HAPLN1: variants seen among roughly 807,000 people sequenced by gnomAD.
HAPLN1 encodes the protein Cartilage link protein.
HAPLN1 carries 13 observed loss-of-function variants against 36.5 expected under a neutral mutation model. That is an observed-to-expected ratio of 0.36 (90% CI 0.23 to 0.57). The LOEUF is 0.57. Ranked by LOEUF, HAPLN1 falls within the 20% of genes least tolerant of loss-of-function variation. The pLI is 0.83. For missense variants in HAPLN1, 407 were observed against 439.7 expected (o/e 0.93, Z 0.66); for synonymous variants, 202 against 169.8 (o/e 1.19, Z -1.48).
rs150366266 is a variant in HAPLN1 at position 83,663,977 on chromosome 5, T to C, written c.100+9447A>G. ...TCACATGGTCTTTTATAAATGTAAA[T>C]CACATTATGTCACCCTTTGCTCAAA... On this transcript the variant is annotated intron_variant, in intron 2 of 4. Coordinates refer to ENST00000274341, the MANE Select transcript of HAPLN1 (RefSeq NM_001884.4). Among the ~76,000 whole-genome samples, 14 of 152,198 alleles carry C rather than the reference T, an allele frequency of 9.2e-5. No individual in the cohort carries two copies. The East Asian group carries it at 2.3e-3, about 25-fold the overall frequency.
chr5:83,692,709 A>G (rs1055354705), intron 1 of HAPLN1, among the ~76,000 whole-genome samples: 6 of 151,948 alleles, frequency 3.9e-5, no homozygotes, highest in Admixed American at 1.3e-4. Flanking sequence ...TATACTAACT[A>G]TAAGTAAGCA....
At chr5:83,675,209 TATA>T (rs1750831903) in intron 1 of HAPLN1, 1 of 152,176 alleles carries the variant, frequency 6.6e-6, no homozygotes, top group South Asian at 2.1e-4. Flanking sequence ...GGTGAACAAA[TATA>T]AAGGTGGCCT....
At chr5:83,699,133 T>C (rs1751453019) in intron 1 of HAPLN1, among the ~76,000 whole-genome samples, 1 of 152,196 alleles carries the variant, frequency 6.6e-6, no homozygotes, top group African/African-American at 2.4e-5. Flanking sequence ...AAAAGTGAGC[T>C]TTGTCATTCA....
intron 3 of HAPLN1, among the ~76,000 whole-genome samples, chr5:83,648,743 C>T (rs1749960717): frequency 6.6e-6 from 1 of 152,124 alleles, no homozygotes; most frequent in African/African-American, 2.4e-5. Context: ...TTGAGTACCA[C>T]TGCCTGATTG....
chr5:83,662,442 T>C (rs1037471186), intron 2 of HAPLN1, among the ~76,000 whole-genome samples: 5 of 152,224 alleles, frequency 3.3e-5, no homozygotes, highest in African/African-American at 9.6e-5. Flanking sequence ...TTTTCTGTGT[T>C]ATCAAAGATT....
chr5:83,716,518 C>T (rs1751914818), intron 1 of HAPLN1, among the ~76,000 whole-genome samples: 1 of 152,170 alleles, frequency 6.6e-6, no homozygotes, highest in Non-Finnish European at 1.5e-5. Flanking sequence ...TACTTAAATT[C>T]TGGCTATCTC....
intron 1 of HAPLN1, chr5:83,674,260 C>T (rs372419122): frequency 1.3e-5 from 2 of 152,172 alleles, no homozygotes; most frequent in South Asian, 2.1e-4. Context: ...AAAATGCTGA[C>T]GCACCAACTT....
At chr5:83,646,966 G>C (rs1400891219) in intron 3 of HAPLN1, among the ~76,000 whole-genome samples, 8 of 152,224 alleles carry the variant, frequency 5.3e-5, no homozygotes, top group Non-Finnish European at 1.0e-4. Context: ...CAGTGGGGTT[G>C]ACTTCCATTT....
Position 83,652,727 on chromosome 5 carries a change from G to T in HAPLN1, c.198C>A (p.Asp66Glu). Residue 66 changes from aspartate (D) to glutamate (E), a missense_variant, in exon 3 of 5, where the codon GAC becomes GAA. Physicochemically the swap from Asp to Glu is conservative, Grantham distance 45. Coordinates refer to ENST00000274341, the MANE Select transcript of HAPLN1 (RefSeq NM_001884.4). ...NVTLPCKFYR[D>E]PTAFGSGIHK... Reference sequence around the variant, plus strand: ...GGATTCCTGAGCCAAATGCTGTAGGGTCTCGATAAAATTTACATGGCAGTG... The same window carrying T: ...GGATTCCTGAGCCAAATGCTGTAGGTTCTCGATAAAATTTACATGGCAGTG... 1.2e-6 allele frequency: 2 copies of T among 1,614,030 alleles called. No homozygotes were observed. The highest frequency in any genetic ancestry group is 1.7e-5 in the Admixed American group (1 of 60,008).
chr5:83,660,909 A>G lies in HAPLN1; in HGVS notation c.101-8085T>C, dbSNP rs369877770. On this transcript the variant is annotated intron_variant, in intron 2 of 4. Coordinates refer to ENST00000274341, the MANE Select transcript of HAPLN1 (RefSeq NM_001884.4). ...GAAAACTTAGCTTGGTGCCTGGCCT[A>G]TAGTGAGTGCCCAGCTGGTGTAGAC... Among the ~76,000 whole-genome samples, 89 of 152,306 alleles carry G rather than the reference A, an allele frequency of 5.8e-4. 1 individual carries two copies. In the South Asian group the frequency reaches 0.017, roughly 29 times the overall value.
At chr5:83,719,325 T>C (rs1193093968) in intron 1 of HAPLN1, among the ~76,000 whole-genome samples, 1 of 152,196 alleles carries the variant, frequency 6.6e-6, no homozygotes, top group Non-Finnish European at 1.5e-5. Flanking sequence ...TGTAGAGCAG[T>C]GGTCTGTTGA....
intron 3 of HAPLN1, among the ~76,000 whole-genome samples, chr5:83,646,280 A>G (rs1354086333): frequency 6.6e-6 from 1 of 152,260 alleles, no homozygotes; most frequent in Non-Finnish European, 1.5e-5. Context: ...TAATATAATT[A>G]GAAATAACTA....
Position 83,663,230 on chromosome 5 carries a change from G to A in HAPLN1, c.100+10194C>T, listed in dbSNP as rs1750459857. ...GAAGGCTGAAAAATAGCAGGCCTTTGGATTTTTCAACAGAGGCTAGAAATA... is the reference window on the plus strand; with the variant it reads ...GAAGGCTGAAAAATAGCAGGCCTTTAGATTTTTCAACAGAGGCTAGAAATA... On this transcript the variant is annotated intron_variant, in intron 2 of 4. Coordinates refer to ENST00000274341, the MANE Select transcript of HAPLN1 (RefSeq NM_001884.4). Among the ~76,000 whole-genome samples the A allele has an allele frequency of 3.3e-5, 5 of 152,064 alleles. No homozygotes were observed. In the South Asian group the frequency reaches 1.0e-3, roughly 32 times the overall value.
chr5:83,696,538 T>G (rs1378591198), intron 1 of HAPLN1, among the ~76,000 whole-genome samples: 1 of 152,088 alleles, frequency 6.6e-6, no homozygotes, highest in Non-Finnish European at 1.5e-5. Context: ...AAAGTTATAG[T>G]AATTAAGAGA....
chr5:83,697,475 G>A (rs1013077321), intron 1 of HAPLN1, among the ~76,000 whole-genome samples: 1 of 151,976 alleles, frequency 6.6e-6, no homozygotes, highest in Non-Finnish European at 1.5e-5. Context: ...CCACTTTTGG[G>A]CTTTAATGAA....
intron 1 of HAPLN1, among the ~76,000 whole-genome samples, chr5:83,696,007 A>C (rs568452764): frequency 6.6e-6 from 1 of 152,214 alleles, no homozygotes; most frequent in African/African-American, 2.4e-5. Context: ...ATAACATGAC[A>C]GTCTACACAG....
chr5:83,685,631 A>G (rs1477792432), intron 1 of HAPLN1, among the ~76,000 whole-genome samples: 2 of 152,212 alleles, frequency 1.3e-5, no homozygotes, highest in Non-Finnish European at 2.9e-5. Context: ...ATTAGTCTTT[A>G]TACTCCTGGA....
chr5:83,666,955 C>T (rs1393625433), intron 2 of HAPLN1, among the ~76,000 whole-genome samples: 1 of 152,042 alleles, frequency 6.6e-6, no homozygotes, highest in African/African-American at 2.4e-5. Context: ...AGCAATTATG[C>T]CTACTGACAG....
chr5:83,689,766 G>T (rs879913999), intron 1 of HAPLN1, among the ~76,000 whole-genome samples: 3 of 152,060 alleles, frequency 2.0e-5, no homozygotes, highest in Admixed American at 6.6e-5. Flanking sequence ...GTTTGTGTGT[G>T]TGTGCATGCA....
Sources: allele counts gnomAD v4.1 joint callset (sites outside exome capture counted in the v4.1 genomes callset), GRCh38; gene constraint gnomAD v4.1.1; transcripts MANE v1.5; gene names NCBI Gene and HGNC (gene_info 2026-07-23, HGNC 2026-07-21).